The following SLC4A7 variants were observed in gnomAD, a reference collection of about 807,000 sequenced individuals.
SLC4A7 encodes sodium bicarbonate cotransporter 3.
SLC4A7 carries 51 observed loss-of-function variants against 137.6 expected under a neutral mutation model. The observed-to-expected ratio is 0.37, with a 90% CI of 0.30 to 0.47. The LOEUF (loss-of-function observed/expected upper bound fraction) is 0.47. Ranked by LOEUF, SLC4A7 falls within the 20% of genes least tolerant of loss-of-function variation. SLC4A7 has a pLI of 1.00. For missense variants in SLC4A7, 1,247 were observed against 1,525.4 expected, an observed-to-expected ratio of 0.82 and a Z score of 3.04; for synonymous variants, 542 against 518.6, an observed-to-expected ratio of 1.05 and a Z score of -0.61.
chr3:27,482,924 A>C (rs1229754790), intron 1 of SLC4A7, among the ~76,000 whole-genome samples: 2 of 152,224 alleles, frequency 1.3e-5, no homozygotes, highest in Non-Finnish European at 2.9e-5. Context: ...ATATGAACGT[A>C]CTGAACTAAT....
chr3:27,458,758 A>G (rs2058543084), intron 1 of SLC4A7, among the ~76,000 whole-genome samples: 1 of 152,184 alleles, frequency 6.6e-6, no homozygotes, highest in Non-Finnish European at 1.5e-5. Flanking sequence ...TGGGAGGCCG[A>G]GGTGGGCAGA....
chr3:27,468,209 G>A (rs1193280534), intron 1 of SLC4A7, among the ~76,000 whole-genome samples: 3 of 152,094 alleles, frequency 2.0e-5, no homozygotes, highest in Admixed American at 6.6e-5. Context: ...GATTACAGGC[G>A]TGAGCCACCA....
At chr3:27,410,894 T>C (rs2053838300) in intron 12 of SLC4A7, among the ~76,000 whole-genome samples, 1 of 152,190 alleles carries the variant, frequency 6.6e-6, no homozygotes, top group Non-Finnish European at 1.5e-5. Flanking sequence ...TATGATATAG[T>C]ACCCTTTAAG....
At chr3:27,457,755 T>A (rs2058487879) in intron 1 of SLC4A7, among the ~76,000 whole-genome samples, 1 of 152,178 alleles carries the variant, frequency 6.6e-6, no homozygotes, top group Non-Finnish European at 1.5e-5. Flanking sequence ...AAAATTTTTT[T>A]AAATCACACT....
intron 4 of SLC4A7, 77 bp downstream of exon 4, chr3:27,437,311 A>G (rs2056810623): frequency 1.1e-6 from 1 of 926,138 alleles, no homozygotes; most frequent in East Asian, 3.0e-5. Flanking sequence ...AGATCGCACC[A>G]TCGCACTCCA....
chr3:27,432,018 T>A (rs2150375027), intron 6 of SLC4A7, among the ~76,000 whole-genome samples: 1 of 152,324 alleles, frequency 6.6e-6, no homozygotes, highest in South Asian at 2.1e-4. Flanking sequence ...TGAAAATATG[T>A]AATACACAAT....
intron 1 of SLC4A7, among the ~76,000 whole-genome samples, chr3:27,480,674 A>G (rs571022237): frequency 6.6e-6 from 1 of 152,306 alleles, no homozygotes; most frequent in Admixed American, 6.5e-5. Flanking sequence ...ATCAATACGT[A>G]ACTGTGATTC....
Position 27,484,216 on chromosome 3 carries a change from C to A in SLC4A7, c.-90G>T, listed in dbSNP as rs982977278. ...GCTGCCCCTGCCGCCGCCGCCGAGC[C>A]CCCGGCGCGCGAGGACAAACGTGGG... On this transcript the variant is annotated 5_prime_UTR_variant, in exon 1 of 26. Coordinates refer to ENST00000454389, the MANE Select transcript of SLC4A7 (RefSeq NM_001321103.2). 4.5e-6 allele frequency: 5 copies of A among 1,108,660 alleles called. No homozygotes were observed. The highest frequency in any genetic ancestry group is 5.7e-6 in the Non-Finnish European group (5 of 877,542). The allele number at this position is 1,108,660 out of a possible 1,614,324, so 68.7% of individuals were successfully genotyped here.
chr3:27,437,824 C>A (rs1413998139), intron 3 of SLC4A7, among the ~76,000 whole-genome samples: 1 of 152,106 alleles, frequency 6.6e-6, no homozygotes, highest in African/African-American at 2.4e-5. Flanking sequence ...AAGTAACATT[C>A]CAAAACATGA....
intron 7 of SLC4A7, among the ~76,000 whole-genome samples, chr3:27,429,708 G>C (rs113038636): frequency 0.012 from 1,833 of 152,010 alleles, 14 homozygotes; most frequent in Non-Finnish European, 0.021. Context: ...AAATTATCTG[G>C]GTGGTAGTGG....
intron 1 of SLC4A7, among the ~76,000 whole-genome samples, chr3:27,473,572 G>A (rs2059340243): frequency 6.6e-6 from 1 of 151,720 alleles, no homozygotes; most frequent in Non-Finnish European, 1.5e-5. Flanking sequence ...GCCAAGTGTG[G>A]TGGTGCGTGC....
In SLC4A7 at chr3:27,409,150, T is replaced by G. The variant is rs188566611; in HGVS notation, c.1941+206A>C. On this transcript the variant is annotated intron_variant, in intron 13 of 25. Coordinates refer to ENST00000454389, the MANE Select transcript of SLC4A7 (RefSeq NM_001321103.2). ...GCCAAAGTAAACTTTTTTTTAATTT[T>G]TTTTTACCTCAACTGTGCATCTTCT... Among the ~76,000 whole-genome samples the G allele has an allele frequency of 4.5e-4, 68 of 152,338 alleles. No individual in the cohort carries two copies. In the East Asian group the frequency reaches 6.9e-3, roughly 16 times the overall value.
intron 2 of SLC4A7, among the ~76,000 whole-genome samples, chr3:27,451,956 GTC>G (rs2058099482): frequency 6.6e-6 from 1 of 152,112 alleles, no homozygotes; most frequent in South Asian, 2.1e-4. Context: ...ACTTCTTCCT[GTC>G]TAAGGAAGAA....
chr3:27,440,122 A>G (rs2057071433), intron 3 of SLC4A7, among the ~76,000 whole-genome samples: 1 of 152,176 alleles, frequency 6.6e-6, no homozygotes, highest in African/African-American at 2.4e-5. Context: ...TGGTGGATTA[A>G]ATAACACAAA....
intron 1 of SLC4A7, among the ~76,000 whole-genome samples, chr3:27,471,556 G>C (rs2059247322): frequency 6.6e-6 from 1 of 152,154 alleles, no homozygotes; most frequent in Non-Finnish European, 1.5e-5. Flanking sequence ...ATTTTTAGTA[G>C]AGATGGGGTT....
At chr3:27,420,936 T>C (rs2054902681) in intron 9 of SLC4A7, 149 bp from the exon 10 acceptor site, 1 of 527,180 alleles carries the variant, frequency 1.9e-6, no homozygotes, top group Non-Finnish European at 3.3e-6. Flanking sequence ...TGAAAAAAGA[T>C]GGCAACTCCA....
intron 13 of SLC4A7, among the ~76,000 whole-genome samples, chr3:27,407,287 C>G (rs548297528): frequency 7.9e-5 from 12 of 151,948 alleles, no homozygotes; most frequent in Admixed American, 7.9e-4. Flanking sequence ...CGAGACCAGC[C>G]TGACCAACAT....
intron 1 of SLC4A7, among the ~76,000 whole-genome samples, chr3:27,473,488 T>C (rs974940369): frequency 5.3e-5 from 8 of 151,534 alleles, no homozygotes; most frequent in African/African-American, 1.9e-4. Flanking sequence ...GAGGTCAAGG[T>C]AGGCGGATCA....
Position 27,379,302 on chromosome 3 carries a change from C to A in SLC4A7, c.3645G>T (p.Trp1215Cys). 6.5e-7 allele frequency: 1 copy of A among 1,535,908 alleles called. No homozygotes were observed. Among genetic ancestry groups the A allele is most frequent in the Non-Finnish European group, 8.7e-7 (1 of 1,146,558 alleles). ...ISDEMAKTAQ[W>C]KALSMNTENA... Reference sequence around the variant, plus strand: ...TCTCAGTATTCATGGAAAGTGCCTTCCACTGTGCAGTTTTGGCCATTTCAT... The same window carrying A: ...TCTCAGTATTCATGGAAAGTGCCTTACACTGTGCAGTTTTGGCCATTTCAT... The change falls in exon 25 of 26, where the codon TGG (tryptophan) becomes TGT (cysteine). Residue 1215 changes from tryptophan to cysteine, a missense_variant. Transcript: ENST00000454389.
Sources: allele counts gnomAD v4.1 joint callset (sites outside exome capture counted in the v4.1 genomes callset), GRCh38; gene constraint gnomAD v4.1.1; transcripts MANE v1.5; gene names NCBI Gene and HGNC (gene_info 2026-07-23, HGNC 2026-07-21).